The following BCKDHB variants were observed in gnomAD, a reference collection of about 807,000 sequenced individuals.
The protein encoded by BCKDHB is branched chain keto acid dehydrogenase E1 subunit beta, also known as 2-oxoisovalerate dehydrogenase subunit beta, mitochondrial.
A neutral mutation model predicts 48.5 loss-of-function variants in BCKDHB; 41 were observed. The ratio of observed to expected loss-of-function variants is 0.85; its 90% CI spans 0.66 to 1.10. The LOEUF is 1.10. Ranked by LOEUF, BCKDHB falls within the 50% of genes least tolerant of loss-of-function variation. The pLI, the probability that BCKDHB is intolerant of heterozygous loss-of-function variation, is 0.00. For missense variants in BCKDHB, 496 were observed against 494.2 expected (o/e 1.00, Z -0.03); for synonymous variants, 201 against 174.8 (o/e 1.15, Z -1.18).
At chr6:80,278,318 G>A (rs866210551) in intron 9 of BCKDHB, among the ~76,000 whole-genome samples, 40 of 152,140 alleles carry the variant, frequency 2.6e-4, no homozygotes, top group African/African-American at 9.4e-4. Flanking sequence ...ATATAGGATG[G>A]CATTTTAAAA....
At chr6:80,241,287 C>A (rs1267999059) in intron 8 of BCKDHB, among the ~76,000 whole-genome samples, 1 of 152,164 alleles carries the variant, frequency 6.6e-6, no homozygotes, top group Non-Finnish European at 1.5e-5. Context: ...CAGCTTTGTT[C>A]CGTTGCTGGT....
intron 8 of BCKDHB, among the ~76,000 whole-genome samples, chr6:80,211,736 A>T (rs1774943043): frequency 6.6e-6 from 1 of 152,106 alleles, no homozygotes; most frequent in Non-Finnish European, 1.5e-5. Context: ...CAACATTTCA[A>T]CATAGATTCT....
intron 3 of BCKDHB, among the ~76,000 whole-genome samples, chr6:80,151,418 A>G (rs1771768942): frequency 6.8e-6 from 1 of 147,112 alleles, no homozygotes; most frequent in South Asian, 2.4e-4. Context: ...TTTAAAACTA[A>G]CTTTTTTTTT....
chr6:80,143,812 G>A (rs1771337759), intron 3 of BCKDHB, among the ~76,000 whole-genome samples: 1 of 152,102 alleles, frequency 6.6e-6, no homozygotes, highest in Non-Finnish European at 1.5e-5. Context: ...CAGAAGTGGT[G>A]GCATCTAGCC....
At chr6:80,341,468 A>ATT (rs1769902769) in intron 9 of BCKDHB, among the ~76,000 whole-genome samples, 5 of 152,218 alleles carry the variant, frequency 3.3e-5, no homozygotes, top group African/African-American at 1.2e-4. Flanking sequence ...TTACAGTTCA[A>ATT]GTGTGTCTTC....
intron 9 of BCKDHB, among the ~76,000 whole-genome samples, chr6:80,303,401 C>A (rs1472654895): frequency 2.0e-5 from 3 of 151,912 alleles, no homozygotes; most frequent in Admixed American, 6.6e-5. Context: ...GACAAAAGAA[C>A]CTTAGAGAAC....
chr6:80,108,189 T>C (rs1769225722), intron 1 of BCKDHB, among the ~76,000 whole-genome samples: 1 of 152,152 alleles, frequency 6.6e-6, no homozygotes, highest in Non-Finnish European at 1.5e-5. Context: ...TGGAATCTAA[T>C]TGATCAGATT....
chr6:80,401,712 C>CATATTTTTAA, the BCKDHB span, among the ~76,000 whole-genome samples: 3 of 151,606 alleles, frequency 2.0e-5, no homozygotes, highest in African/African-American at 7.3e-5. Context: ...AATTTTGTAC[C>CATATTTTTAA]CTTTAACTGT....
the BCKDHB span, among the ~76,000 whole-genome samples, chr6:80,422,279 AC>A: frequency 1.3e-5 from 2 of 152,192 alleles, no homozygotes; most frequent in African/African-American, 4.8e-5. Context: ...TGTGCAGAAG[AC>A]AAGAGTTGAG....
intron 8 of BCKDHB, among the ~76,000 whole-genome samples, chr6:80,249,337 C>T (rs1776743593): frequency 1.3e-5 from 2 of 151,984 alleles, no homozygotes; most frequent in Non-Finnish European, 2.9e-5. Context: ...TTGAAAAACA[C>T]ATTCATGTCT....
At chr6:80,433,408 GCCGTTGGCT>G in the BCKDHB span, among the ~76,000 whole-genome samples, 3 of 152,182 alleles carry the variant, frequency 2.0e-5, no homozygotes, top group Non-Finnish European at 4.4e-5. Context: ...TTGCTGAGCT[GCCGTTGGCT>G]CCACCCAGTT....
chr6:80,343,079 C>G (rs1295786003), intron 9 of BCKDHB, among the ~76,000 whole-genome samples: 1 of 152,084 alleles, frequency 6.6e-6, no homozygotes, highest in Non-Finnish European at 1.5e-5. Context: ...CAGGTAATAA[C>G]CTGAGATTTG....
At chr6:80,407,531 A>C in the BCKDHB span, among the ~76,000 whole-genome samples, 6 of 151,992 alleles carry the variant, frequency 3.9e-5, no homozygotes. Flanking sequence ...CTTTTATTTC[A>C]TTGAGCAGTG....
chr6:80,199,206 G>A (rs181922013), intron 6 of BCKDHB, among the ~76,000 whole-genome samples: 8 of 152,150 alleles, frequency 5.3e-5, no homozygotes, highest in Non-Finnish European at 8.8e-5. Flanking sequence ...CCTAAGGTAG[G>A]GGATTTACCA....
chr6:80,292,707 A>C (rs1766994121), intron 9 of BCKDHB, among the ~76,000 whole-genome samples: 1 of 152,180 alleles, frequency 6.6e-6, no homozygotes, highest in South Asian at 2.1e-4. Context: ...AAAAGTCCAC[A>C]GTCCAAAGTC....
chr6:80,434,659 T>G, the BCKDHB span, among the ~76,000 whole-genome samples: 38 of 152,194 alleles, frequency 2.5e-4, no homozygotes, highest in African/African-American at 8.7e-4. Context: ...TTTTTCAGCT[T>G]TCTTAGGGCT....
chr6:80,402,002 A>T, the BCKDHB span, among the ~76,000 whole-genome samples: 1 of 151,728 alleles, frequency 6.6e-6, no homozygotes. Flanking sequence ...CAGTGTCTTT[A>T]TCTATTTATC....
chr6:80,246,429 G>A (rs1359239), intron 8 of BCKDHB, among the ~76,000 whole-genome samples: 77,973 of 151,894 alleles, frequency 0.51, 20,349 homozygotes, highest in East Asian at 0.69. Flanking sequence ...AAGGTAAAAT[G>A]AAACCATGGT....
the BCKDHB span, among the ~76,000 whole-genome samples, chr6:80,441,356 A>G: frequency 2.0e-5 from 3 of 152,144 alleles, no homozygotes; most frequent in African/African-American, 4.8e-5. Flanking sequence ...ATGTGTATGT[A>G]TGTCCTCTTG....
Sources: allele counts gnomAD v4.1 joint callset (sites outside exome capture counted in the v4.1 genomes callset), GRCh38; gene constraint gnomAD v4.1.1; transcripts MANE v1.5; gene names NCBI Gene and HGNC (gene_info 2026-07-23, HGNC 2026-07-21).